Variants in NFXL1 observed in about 807,000 individuals in gnomAD.
NFXL1 encodes the protein nuclear transcription factor, X-box binding like 1.
A neutral mutation model predicts 123.3 loss-of-function variants in NFXL1; 66 were observed. The ratio of observed to expected loss-of-function variants is 0.54; its 90% confidence interval spans 0.44 to 0.66. NFXL1 has a LOEUF of 0.66. Among genes scored for constraint, NFXL1 ranks in the 30% least tolerant of loss-of-function variants. The pLI is 0.00. For synonymous variants in NFXL1, 346 were observed against 360.8 expected (o/e 0.96, Z 0.46); for missense variants, 944 against 1,125.6 (o/e 0.84, Z 2.31).
intron 9 of NFXL1, among the ~76,000 whole-genome samples, chr4:47,897,375 G>A (rs1322647638): frequency 1.3e-5 from 2 of 152,278 alleles, no homozygotes; most frequent in East Asian, 3.9e-4. Flanking sequence ...ATTGTGACAA[G>A]TATTAGAAGT....
At chr4:47,858,783 G>C (rs1320022809) in intron 19 of NFXL1, among the ~76,000 whole-genome samples, 1 of 152,130 alleles carries the variant, frequency 6.6e-6, no homozygotes, top group Non-Finnish European at 1.5e-5. Context: ...TAAACTTCTG[G>C]TATGCCAGCA....
At chr4:47,895,710 T>C (rs1443623455) in intron 10 of NFXL1, among the ~76,000 whole-genome samples, 1 of 152,158 alleles carries the variant, frequency 6.6e-6, no homozygotes, top group Non-Finnish European at 1.5e-5. Flanking sequence ...TTCCTCCTTA[T>C]CATCAATAAG....
intron 22 of NFXL1, among the ~76,000 whole-genome samples, chr4:47,848,945 T>C (rs191436274): frequency 6.6e-6 from 1 of 152,212 alleles, no homozygotes; most frequent in African/African-American, 2.4e-5. Flanking sequence ...CAGGATGCTC[T>C]AAAATATAGA....
At chr4:47,912,782 A>G (rs1463534888) in intron 2 of NFXL1, among the ~76,000 whole-genome samples, 3 of 138,304 alleles carry the variant, frequency 2.2e-5, no homozygotes, top group Non-Finnish European at 4.7e-5. Flanking sequence ...CCTTCTACCC[A>G]CGAGATGGAG....
upstream of NFXL1, chr4:47,914,624 G>GC (rs893980863): frequency 5.2e-5 from 8 of 153,292 alleles, no homozygotes; most frequent in Admixed American, 2.6e-4. Context: ...GACTGCGCAC[G>GC]CCCCCAACAG....
rs1737803697 is a variant in NFXL1, at chr4:47,910,940, G to A, written c.290C>T (p.Ala97Val). The A allele has an allele frequency of 2.5e-6, 4 of 1,607,770 alleles. No individual in the cohort carries two copies. In the Admixed American group the frequency reaches 6.8e-5, roughly 27 times the overall value. The change falls in exon 3 of 23, where the codon GCC (alanine) becomes GTC (valine). Residue 97 changes from alanine (A) to valine (V), a missense_variant. Physicochemically the swap from Ala to Val is moderately conservative, Grantham distance 64. Transcript: ENST00000507489. ...EEIKKANQAA[A>V]RKLVEEQFSS... ...AAACTGTTCTTCAACAAGTTTTCTGGCTGCAGCTTGGTTAGCTTTCTTGAT... is the reference window on the plus strand; with the variant it reads ...AAACTGTTCTTCAACAAGTTTTCTGACTGCAGCTTGGTTAGCTTTCTTGAT...
At chr4:47,884,473 G>C (rs112075301) in intron 14 of NFXL1, 36 bp from the exon 15 acceptor site, 13 of 1,295,376 alleles carry the variant, frequency 1.0e-5, no homozygotes, top group African/African-American at 3.0e-5. Context: ...TAAGTCAGAG[G>C]GATTAAATCA....
intron 20 of NFXL1, among the ~76,000 whole-genome samples, chr4:47,853,044 C>A (rs1469880007): frequency 6.6e-6 from 1 of 151,462 alleles, no homozygotes; most frequent in African/African-American, 2.4e-5. Flanking sequence ...CAAAGACAGT[C>A]CAGACATAAG....
At chr4:47,885,244 AAGG>A (rs1736356265) in intron 14 of NFXL1, among the ~76,000 whole-genome samples, 2 of 152,144 alleles carry the variant, frequency 1.3e-5, no homozygotes, top group Non-Finnish European at 2.9e-5. Context: ...ACAATATATG[AAGG>A]AGGACTGCCA....
At position 47,899,562 on chromosome 4, in the gene NFXL1, G is replaced by A. The variant is rs149656924; in HGVS notation, c.648-14C>T. The stretch of plus-strand genomic sequence containing the variant: ...CTACATTTTGGACTACAAAGAAGAA[G>A]AAAATTATTAAAGCTAACTTCACCT... On this transcript the variant is annotated splice_polypyrimidine_tract_variant and intron_variant, in intron 5 of 22. Coordinates refer to ENST00000507489, the MANE Select transcript of NFXL1 (RefSeq NM_001278624.2). 2.6e-5 allele frequency: 40 copies of A among 1,566,314 alleles called. No individual in the cohort carries two copies. Among genetic ancestry groups the A allele is most frequent in the Non-Finnish European group, 3.3e-5 (38 of 1,139,098 alleles).
In NFXL1 at chr4:47,894,211, C is replaced by T. The variant is rs779237854; in HGVS notation, c.1421G>A (p.Arg474His). The T allele has an allele frequency of 6.2e-6, 10 of 1,604,280 alleles. No homozygotes were observed. Among genetic ancestry groups the T allele is most frequent in the Admixed American group, 1.7e-5 (1 of 58,646 alleles). Residue 474 changes from arginine (R) to histidine (H), a missense_variant, in exon 11 of 23, where the codon CGT (arginine) becomes CAT (histidine). Coordinates refer to ENST00000507489, the MANE Select transcript of NFXL1 (RefSeq NM_001278624.2). ...TCTACATTGATGCTTCTGACAGTCA[C>T]GCATCTTAACACACTTAGTTTCACA... ...YLCETKCVKM[R>H]DCQKHQCRRK... is the part of the protein sequence containing the mutation.
intron 3 of NFXL1, among the ~76,000 whole-genome samples, chr4:47,905,574 C>G (rs899817853): frequency 1.3e-5 from 2 of 152,128 alleles, no homozygotes; most frequent in African/African-American, 4.8e-5. Flanking sequence ...CCTCAGCTCT[C>G]TCTCTCAGTT....
intron 19 of NFXL1, among the ~76,000 whole-genome samples, chr4:47,859,730 TACTCAGGCA>T (rs1407976228): frequency 2.7e-5 from 4 of 149,568 alleles, no homozygotes; most frequent in Non-Finnish European, 5.9e-5. Context: ...TAATCTCAGC[TACTCAGGCA>T]GCTGAGGCAG....
chr4:47,912,314 A>C (rs760535541), intron 2 of NFXL1, among the ~76,000 whole-genome samples: 2 of 152,200 alleles, frequency 1.3e-5, no homozygotes, highest in Non-Finnish European at 2.9e-5. Context: ...AGAGATAATG[A>C]GAACATTCAT....
intron 11 of NFXL1, among the ~76,000 whole-genome samples, chr4:47,893,512 T>C (rs1736901592): frequency 6.6e-6 from 1 of 152,038 alleles, no homozygotes; most frequent in Non-Finnish European, 1.5e-5. Context: ...ATACTACTTA[T>C]TGGAAAAAAT....
chr4:47,878,685 C>T lies in NFXL1; in HGVS notation c.1939-20G>A. 2 of 1,484,530 alleles carry T rather than the reference C, an allele frequency of 1.3e-6. No individual in the cohort carries two copies. Among genetic ancestry groups the T allele is most frequent in the Non-Finnish European group, 1.8e-6 (2 of 1,116,708 alleles). The allele number at this position is 1,484,530 out of a possible 1,614,324, so 92.0% of individuals were successfully genotyped here. A position where few individuals can be genotyped will look rare whatever the true frequency, so the allele number is the denominator to read the frequency against. On this transcript the variant is annotated intron_variant, in intron 16 of 22. Coordinates refer to ENST00000507489, the MANE Select transcript of NFXL1 (RefSeq NM_001278624.2). ...ACTCACCTTAAAAAATAAAGGAAATCAGCACAGCACACATTACTCAAACGT... is the reference window on the plus strand; with the variant it reads ...ACTCACCTTAAAAAATAAAGGAAATTAGCACAGCACACATTACTCAAACGT...
At chr4:47,849,127 A>G (rs1733974811) in intron 22 of NFXL1, among the ~76,000 whole-genome samples, 1 of 152,152 alleles carries the variant, frequency 6.6e-6, no homozygotes, top group Admixed American at 6.5e-5. Context: ...AAGAAATTCA[A>G]GTGAGTAAAG....
chr4:47,851,148 T>A lies in NFXL1; in HGVS notation c.2509A>T (p.Ile837Leu). ...GCAGCTTTGGCTTCTGCTTCTTTTA[T>A]CTGTTTATACACATACAAAAGTCAA... Reference protein sequence around the residue: ...CKEMKRKASEIKEAEAKAALE... With the variant: ...CKEMKRKASELKEAEAKAALE... The change falls in exon 22 of 23, where the codon ATA becomes TTA. Residue 837 changes from isoleucine (I) to leucine (L), a missense_variant and splice_region_variant. By Grantham distance (5) the Ile-to-Leu change is conservative. Around this residue, in one of 4 missense-constraint regions of NFXL1, gnomAD observed 301 missense variants for 348.0 expected, o/e 0.86. Coordinates refer to ENST00000507489, the MANE Select transcript of NFXL1 (RefSeq NM_001278624.2). 3.1e-6 allele frequency: 5 copies of A among 1,608,248 alleles called. No homozygotes were observed. The highest frequency in any genetic ancestry group is 4.3e-6 in the Non-Finnish European group (5 of 1,175,052).
In NFXL1 at chr4:47,914,214, G is replaced by GA. The variant is rs777877061; in HGVS notation, c.-2-10dup. The GA allele has an allele frequency of 1.6e-5, 23 of 1,412,902 alleles. No homozygotes were observed. Among genetic ancestry groups the GA allele is most frequent in the South Asian group, 8.9e-5 (6 of 67,178 alleles). The allele number at this position is 1,412,902 out of a possible 1,614,324, so 87.5% of individuals were successfully genotyped here. On this transcript the variant is annotated splice_polypyrimidine_tract_variant and intron_variant, in intron 1 of 22. Transcript: ENST00000507489. ...CCAGGAAGCTTCCATCCCTGCAAAG[G>GA]AGAAAAAAAAAAAAAAGAGTGGAAG...
Sources: gnomAD v4.1 joint callset for allele counts (sites outside exome capture counted in the v4.1 genomes callset) on GRCh38, gnomAD v4.1.1 for gene constraint, gnomAD v4.1.1 regional missense constraint, MANE v1.5 for transcripts, NCBI Gene and HGNC (gene_info 2026-07-23, HGNC 2026-07-21) for gene names.